The following CHSY3 variants were observed in gnomAD, a reference collection of about 807,000 sequenced individuals.
The protein encoded by CHSY3 is N-acetylgalactosaminyl-proteoglycan 3-beta-glucuronosyltransferase 3.
Under a neutral mutation model 67.2 loss-of-function variants are expected in CHSY3, and 35 were observed. That is an observed-to-expected ratio of 0.52 (90% CI 0.40 to 0.69). The LOEUF (loss-of-function observed/expected upper bound fraction) is 0.69, where lower values mean the gene tolerates loss of function less well. Ranked by LOEUF, CHSY3 falls within the 30% of genes least tolerant of loss-of-function variation. CHSY3 has a pLI of 0.00. For synonymous variants in CHSY3, 474 were observed against 434.7 expected, an observed-to-expected ratio of 1.09 and a Z score of -1.12; for missense variants, 1,069 against 1,138.5, an observed-to-expected ratio of 0.94 and a Z score of 0.88.
intron 2 of CHSY3, among the ~76,000 whole-genome samples, chr5:130,088,010 C>T (rs993482985): frequency 6.6e-6 from 1 of 152,064 alleles, no homozygotes; most frequent in African/African-American, 2.4e-5. Flanking sequence ...GTAGTGGTAC[C>T]AAAACAGAGA....
intron 2 of CHSY3, among the ~76,000 whole-genome samples, chr5:130,051,129 ACT>A (rs1765337792): frequency 6.6e-6 from 1 of 151,650 alleles, no homozygotes; most frequent in Non-Finnish European, 1.5e-5. Flanking sequence ...TGTATACCAA[ACT>A]CTTAACAATG....
At chr5:130,101,703 A>G (rs1767251769) in intron 2 of CHSY3, among the ~76,000 whole-genome samples, 1 of 152,106 alleles carries the variant, frequency 6.6e-6, no homozygotes, top group Non-Finnish European at 1.5e-5. Context: ...CCTCTTGTCT[A>G]ACTTATATTT....
intron 2 of CHSY3, among the ~76,000 whole-genome samples, chr5:130,100,523 A>G (rs1046698620): frequency 6.6e-6 from 1 of 152,160 alleles, no homozygotes; most frequent in South Asian, 2.1e-4. Flanking sequence ...TTATCAAAGT[A>G]TCCGATTGTC....
chr5:129,924,284 C>G (rs1761021084), intron 2 of CHSY3, among the ~76,000 whole-genome samples: 1 of 152,138 alleles, frequency 6.6e-6, no homozygotes, highest in South Asian at 2.1e-4. Flanking sequence ...TATGTTACCT[C>G]CTCTGCCCTC....
intron 2 of CHSY3, among the ~76,000 whole-genome samples, chr5:130,161,054 A>G (rs1217141441): frequency 6.6e-6 from 1 of 151,312 alleles, no homozygotes; most frequent in Non-Finnish European, 1.5e-5. Context: ...ACAGGCACCT[A>G]CCACCACGCC....
chr5:130,134,133 G>A (rs1768582244), intron 2 of CHSY3, among the ~76,000 whole-genome samples: 1 of 152,096 alleles, frequency 6.6e-6, no homozygotes, highest in African/African-American at 2.4e-5. Context: ...GCTTTCTCAG[G>A]GTCACAGAGT....
chr5:130,058,415 G>A (rs1366991638), intron 2 of CHSY3, among the ~76,000 whole-genome samples: 1 of 152,108 alleles, frequency 6.6e-6, no homozygotes, highest in Non-Finnish European at 1.5e-5. Context: ...ATCACCTGAG[G>A]TCAGGGGTTC....
intron 2 of CHSY3, among the ~76,000 whole-genome samples, chr5:130,100,205 C>T (rs1176998647): frequency 2.0e-5 from 3 of 151,824 alleles, no homozygotes; most frequent in Non-Finnish European, 2.9e-5. Flanking sequence ...TTTTTTGAGA[C>T]GAGTCTCGCT....
chr5:130,097,895 A>G (rs1767103040), intron 2 of CHSY3, among the ~76,000 whole-genome samples: 1 of 151,924 alleles, frequency 6.6e-6, no homozygotes. Flanking sequence ...AGTCCCAGCT[A>G]CTCGGGAGAC....
intron 2 of CHSY3, among the ~76,000 whole-genome samples, chr5:129,965,604 C>T (rs1050501813): frequency 2.6e-5 from 4 of 151,804 alleles, no homozygotes; most frequent in South Asian, 2.1e-4. Context: ...AGGTTTTCAT[C>T]GTACCTTTTG....
chr5:130,035,957 A>G (rs1356885652), intron 2 of CHSY3, among the ~76,000 whole-genome samples: 1 of 128,310 alleles, frequency 7.8e-6, no homozygotes, highest in East Asian at 2.3e-4. Context: ...TGTGTGAGGT[A>G]TGATCATCAA....
chr5:130,082,881 T>TAC (rs201814969), intron 2 of CHSY3, among the ~76,000 whole-genome samples: 1,716 of 151,804 alleles, frequency 0.011, 26 homozygotes, highest in African/African-American at 0.038. Context: ...TATATATGTA[T>TAC]ATACACACAC....
chr5:129,930,518 G>T (rs573027329), intron 2 of CHSY3, among the ~76,000 whole-genome samples: 111 of 137,090 alleles, frequency 8.1e-4, no homozygotes, highest in Admixed American at 2.7e-3. Context: ...CGGGGGGGGG[G>T]TATGAAGTTT....
chr5:130,081,385 GC>G, intron 2 of CHSY3, among the ~76,000 whole-genome samples: 1 of 150,988 alleles, frequency 6.6e-6, no homozygotes, highest in African/African-American at 2.4e-5. Context: ...AGACCTTGAG[GC>G]TTCTTCTTCA....
At chr5:129,974,818 A>C (rs1762751001) in intron 2 of CHSY3, 1 of 152,200 alleles carries the variant, frequency 6.6e-6, no homozygotes. Context: ...ATTGATTTTT[A>C]CATGAACATA....
At chr5:130,078,865 A>G (rs1766358787) in intron 2 of CHSY3, among the ~76,000 whole-genome samples, 1 of 152,162 alleles carries the variant, frequency 6.6e-6, no homozygotes, top group Non-Finnish European at 1.5e-5. Context: ...TGTGAACAGC[A>G]GTGGAGAATA....
chr5:130,012,860 C>G (rs1338653987), intron 2 of CHSY3, among the ~76,000 whole-genome samples: 2 of 151,958 alleles, frequency 1.3e-5, no homozygotes, highest in African/African-American at 4.8e-5. Flanking sequence ...AAAAGTCCCC[C>G]AAAAAGTCTT....
chr5:130,170,015 G>A (rs146182361), intron 2 of CHSY3, among the ~76,000 whole-genome samples: 16 of 152,040 alleles, frequency 1.1e-4, no homozygotes, highest in East Asian at 3.9e-4. Context: ...CAAGAGGTAC[G>A]TGTGCATATT....
chr5:130,085,689 TA>T (rs1400759770), intron 2 of CHSY3, among the ~76,000 whole-genome samples: 1 of 152,144 alleles, frequency 6.6e-6, no homozygotes, highest in African/African-American at 2.4e-5. Context: ...CTAGTGCTTT[TA>T]ATTGTGATGT....
Sources: gnomAD v4.1 joint callset for allele counts (sites outside exome capture counted in the v4.1 genomes callset) on GRCh38, gnomAD v4.1.1 for gene constraint, MANE v1.5 for transcripts, NCBI Gene and HGNC (gene_info 2026-07-23, HGNC 2026-07-21) for gene names.